PDGFD: variants seen among roughly 807,000 people sequenced by gnomAD.
PDGFD encodes platelet-derived growth factor D.
PDGFD carries 30 observed loss-of-function variants against 44.7 expected under a neutral mutation model. The observed-to-expected ratio is 0.67, with a 90% confidence interval of 0.50 to 0.91. PDGFD has a LOEUF of 0.91. PDGFD is among the 40% of genes least tolerant of loss of function. The pLI is 0.00. For missense variants in PDGFD, 445 were observed against 457.8 expected (o/e 0.97, Z 0.25); for synonymous variants, 173 against 168.4 (o/e 1.03, Z -0.21).
At chr11:104,081,086 C>T (rs2134428947) in intron 1 of PDGFD, among the ~76,000 whole-genome samples, 1 of 152,262 alleles carries the variant, frequency 6.6e-6, no homozygotes, top group East Asian at 1.9e-4. Context: ...ACATTCCTGA[C>T]CTACAAAAAC....
intron 1 of PDGFD, among the ~76,000 whole-genome samples, chr11:104,082,527 C>G (rs189428936): frequency 2.2e-4 from 34 of 152,146 alleles, no homozygotes; most frequent in Middle Eastern, 3.4e-3. Context: ...ATTTGCATGA[C>G]TGGATTTTTA....
rs111851558 is a variant in PDGFD, at chr11:104,157,263, T to C, written c.124+6541A>G. On this transcript the variant is annotated intron_variant, in intron 1 of 6. Transcript: ENST00000393158. Reference sequence around the variant, plus strand: ...AGAAAGTCATTCATGTCCCCCACTATCATATTAAAAATGAAATGATTCCAT... The same window carrying C: ...AGAAAGTCATTCATGTCCCCCACTACCATATTAAAAATGAAATGATTCCAT... 6.8e-3 allele frequency among the ~76,000 whole-genome samples: 1,030 copies of C among 152,260 alleles called. 12 individuals are homozygous for C. Among genetic ancestry groups the C allele is most frequent in the African/African-American group, 0.023 (969 of 41,562 alleles).
chr11:103,965,164 GCT>G (rs1188292804), intron 3 of PDGFD, among the ~76,000 whole-genome samples: 1 of 152,068 alleles, frequency 6.6e-6, no homozygotes, highest in African/African-American at 2.4e-5. Flanking sequence ...CATTCACTCT[GCT>G]CTCTCTGCAT....
At chr11:104,060,460 T>C (rs551970324) in intron 1 of PDGFD, among the ~76,000 whole-genome samples, 4 of 152,300 alleles carry the variant, frequency 2.6e-5, no homozygotes, top group African/African-American at 9.6e-5. Flanking sequence ...ATAGAGGGTA[T>C]CACTGTTTTC....
chr11:104,118,872 A>G lies in PDGFD; in HGVS notation c.124+44932T>C, dbSNP rs1357705462. ...TATATATTATAATATATTATATATT[A>G]ATATACATATATATTATTATGTATA... On this transcript the variant is annotated intron_variant, in intron 1 of 6. Coordinates refer to ENST00000393158, the MANE Select transcript of PDGFD (RefSeq NM_025208.5). 5.9e-3 allele frequency among the ~76,000 whole-genome samples: 581 copies of G among 98,014 alleles called. 8 individuals carry two copies. The highest frequency in any genetic ancestry group is 0.013 in the Middle Eastern group (2 of 158). 64.3% of individuals were successfully genotyped at this position (98,014 alleles called of 152,430 possible).
chr11:103,924,113 T>G (rs1330747784), intron 6 of PDGFD, among the ~76,000 whole-genome samples: 3 of 152,034 alleles, frequency 2.0e-5, no homozygotes, highest in African/African-American at 7.2e-5. Context: ...GAGGCAAGGG[T>G]CTTTGGGGGT....
At chr11:104,032,652 C>CTTTTT (rs202215171) in intron 1 of PDGFD, among the ~76,000 whole-genome samples, 77 of 138,028 alleles carry the variant, frequency 5.6e-4, no homozygotes, top group African/African-American at 2.0e-3. Flanking sequence ...GGATTTTTTT[C>CTTTTT]TTTTTTTTTT....
intron 1 of PDGFD, among the ~76,000 whole-genome samples, chr11:104,156,729 T>C (rs541591590): frequency 2.6e-5 from 4 of 152,238 alleles, no homozygotes; most frequent in South Asian, 4.1e-4. Flanking sequence ...TATTATCATG[T>C]GCATTATCAA....
chr11:104,016,837 A>G (rs1859865211), intron 1 of PDGFD, among the ~76,000 whole-genome samples: 1 of 152,192 alleles, frequency 6.6e-6, no homozygotes, highest in Non-Finnish European at 1.5e-5. Context: ...TGGCAGAAAA[A>G]TCTTTTTTTC....
intron 1 of PDGFD, among the ~76,000 whole-genome samples, chr11:104,086,451 T>TTTGATATAA (rs1861132355): frequency 3.9e-5 from 6 of 152,224 alleles, no homozygotes; most frequent in Non-Finnish European, 8.8e-5. Context: ...TAATCAATGA[T>TTTGATATAA]ATCTTATATT....
chr11:104,014,439 T>C (rs932313830), intron 1 of PDGFD, among the ~76,000 whole-genome samples: 3 of 152,166 alleles, frequency 2.0e-5, no homozygotes, highest in Non-Finnish European at 2.9e-5. Context: ...GAGGCTATAG[T>C]GAGCTATGAC....
chr11:103,939,329 A>T (rs1858545493), intron 5 of PDGFD, among the ~76,000 whole-genome samples: 1 of 152,046 alleles, frequency 6.6e-6, no homozygotes, highest in African/African-American at 2.4e-5. Context: ...TGTGAATGGG[A>T]GTTCACTCGT....
At chr11:104,102,190 C>T (rs1861395212) in intron 1 of PDGFD, among the ~76,000 whole-genome samples, 1 of 152,130 alleles carries the variant, frequency 6.6e-6, no homozygotes, top group Admixed American at 6.6e-5. Flanking sequence ...TGACAAAGGG[C>T]TAATATCCAG....
chr11:103,959,514 T>C (rs1175748875), intron 3 of PDGFD, among the ~76,000 whole-genome samples: 1 of 152,182 alleles, frequency 6.6e-6, no homozygotes, highest in Non-Finnish European at 1.5e-5. Flanking sequence ...TTCTTGACTT[T>C]GTACTTCCTC....
chr11:104,148,712 T>C (rs1862200023), intron 1 of PDGFD, among the ~76,000 whole-genome samples: 1 of 152,126 alleles, frequency 6.6e-6, no homozygotes, highest in Non-Finnish European at 1.5e-5. Flanking sequence ...CTTGTACCCA[T>C]TATTTATTTT....
At chr11:103,914,466 CA>C (rs1408761239) in intron 6 of PDGFD, among the ~76,000 whole-genome samples, 1 of 152,068 alleles carries the variant, frequency 6.6e-6, no homozygotes, top group East Asian at 1.9e-4. Flanking sequence ...GATAGCCTAC[CA>C]ACCAAAAAAA....
chr11:104,090,907 T>A (rs1362765145), intron 1 of PDGFD, among the ~76,000 whole-genome samples: 3 of 152,066 alleles, frequency 2.0e-5, no homozygotes, highest in Admixed American at 6.6e-5. Context: ...CCTGCAGTAG[T>A]CACGGTGCCT....
intron 5 of PDGFD, among the ~76,000 whole-genome samples, chr11:103,937,108 G>A (rs1469967904): frequency 6.6e-6 from 1 of 152,152 alleles, no homozygotes; most frequent in African/African-American, 2.4e-5. Flanking sequence ...TCACAGCAGT[G>A]AGCCACTGTG....
At chr11:104,012,271 G>A (rs1859796318) in intron 1 of PDGFD, among the ~76,000 whole-genome samples, 1 of 152,034 alleles carries the variant, frequency 6.6e-6, no homozygotes, top group African/African-American at 2.4e-5. Context: ...AACACACACT[G>A]GTTCTGAAAA....
Sources: gnomAD v4.1 joint callset for allele counts (sites outside exome capture counted in the v4.1 genomes callset) on GRCh38, gnomAD v4.1.1 for gene constraint, MANE v1.5 for transcripts, NCBI Gene and HGNC (gene_info 2026-07-23, HGNC 2026-07-21) for gene names.